The following PCDHGA9 variants were observed in gnomAD, a reference collection of about 807,000 sequenced individuals.
PCDHGA9 encodes protocadherin gamma-A9.
Under a neutral mutation model 62.5 loss-of-function variants are expected in PCDHGA9, and 37 were observed. The ratio of observed to expected loss-of-function variants is 0.59; its 90% confidence interval spans 0.46 to 0.78. The LOEUF (loss-of-function observed/expected upper bound fraction) is 0.78, where lower values mean the gene tolerates loss of function less well. Ranked by LOEUF, PCDHGA9 falls within the 30% of genes least tolerant of loss-of-function variation. The probability of loss-of-function intolerance (pLI) is 0.00; values close to 1 mark genes in which losing one functional copy is unlikely to be tolerated. For synonymous variants in PCDHGA9, 459 were observed against 484.6 expected (o/e 0.95, Z 0.69); for missense variants, 1,138 against 1,166.2 (o/e 0.98, Z 0.35).
In PCDHGA9 at chr5:141,510,932, CCT is replaced by C. The variant is rs753455267; in HGVS notation, c.2573-12_2573-11del. 6 of 1,613,998 alleles carry C rather than the reference CCT, an allele frequency of 3.7e-6. No homozygotes were observed. The highest frequency in any genetic ancestry group is 1.1e-5 in the South Asian group (1 of 91,082). ...CTAAGTTTAGCTCCCACCTGATCTTCCTCTGTCTCTGCAGAAGCTGCTGATGG... is the reference window on the plus strand; with the variant it reads ...CTAAGTTTAGCTCCCACCTGATCTTCCTGTCTCTGCAGAAGCTGCTGATGG... On this transcript the variant is annotated splice_polypyrimidine_tract_variant and intron_variant, in intron 3 of 3. Coordinates refer to ENST00000573521, the MANE Select transcript of PCDHGA9 (RefSeq NM_018921.3).
intron 1 of PCDHGA9, among the ~76,000 whole-genome samples, chr5:141,468,914 G>A (rs563780068): frequency 2.6e-5 from 4 of 151,700 alleles, no homozygotes; most frequent in Admixed American, 2.6e-4. Context: ...CAGACTAGAA[G>A]AGAATAGCAC....
At chr5:141,439,996 G>C (rs1156373511) in intron 1 of PCDHGA9, 1 of 153,262 alleles carries the variant, frequency 6.5e-6, no homozygotes, top group African/African-American at 2.4e-5. Flanking sequence ...GTTTGGTGGT[G>C]GGAAACCTTG....
intron 1 of PCDHGA9, chr5:141,414,399 GGTGATAC>G (rs1297009673): frequency 6.2e-7 from 1 of 1,613,846 alleles, no homozygotes; most frequent in South Asian, 1.1e-5. Flanking sequence ...ATTACAGATT[GGTGATAC>G]ACAGAGCCCT....
chr5:141,432,600 C>T lies in PCDHGA9; in HGVS notation c.2424+27224C>T, dbSNP rs901310090. The T allele has an allele frequency of 1.9e-6, 3 of 1,613,832 alleles. No individual in the cohort carries two copies. The East Asian group carries it at 6.7e-5, about 36-fold the overall frequency. ...TACCGTCTGCTCAAGGCCAGCGAGCCGGGACTCTTCTCGGTGGGTCTGCAC... is the reference window on the plus strand; with the variant it reads ...TACCGTCTGCTCAAGGCCAGCGAGCTGGGACTCTTCTCGGTGGGTCTGCAC... On this transcript the variant is annotated intron_variant, in intron 1 of 3. Transcript: ENST00000573521. The surrounding 1 kb of genome is among the most constrained non-coding windows in gnomAD (Gnocchi z 6.0).
At chr5:141,456,453 A>G (rs1395554812) in intron 1 of PCDHGA9, among the ~76,000 whole-genome samples, 1 of 152,190 alleles carries the variant, frequency 6.6e-6, no homozygotes, top group Non-Finnish European at 1.5e-5. Flanking sequence ...GAGTCCAAAT[A>G]TCAATACAAG....
chr5:141,431,256 C>T lies in PCDHGA9; in HGVS notation c.2424+25880C>T. The stretch of plus-strand genomic sequence containing the variant: ...TGGGATCCGGATATCGGGAAGAACT[C>T]TCTGCAGAGCTACGAGCTCAGCCCG... On this transcript the variant is annotated intron_variant, in intron 1 of 3. Transcript: ENST00000573521. This position sits in a 1 kb window ranked among gnomAD's most constrained non-coding sequence, Gnocchi z 4.8. The T allele has an allele frequency of 6.2e-7, 1 of 1,614,194 alleles. No homozygotes were observed. Among genetic ancestry groups the T allele is most frequent in the South Asian group, 1.1e-5 (1 of 91,088 alleles).
At chr5:141,414,310 G>A in intron 1 of PCDHGA9, 1 of 1,613,722 alleles carries the variant, frequency 6.2e-7, no homozygotes, top group South Asian at 1.1e-5. Context: ...GCATGATTTA[G>A]ACTCTGAGCA....
chr5:141,434,480 C>T (rs777049751), intron 1 of PCDHGA9, among the ~76,000 whole-genome samples: 6 of 152,194 alleles, frequency 3.9e-5, no homozygotes, highest in Non-Finnish European at 5.9e-5. Context: ...GGGCAAGGAA[C>T]ACCTGGCCCG....
intron 1 of PCDHGA9, among the ~76,000 whole-genome samples, chr5:141,458,596 G>A (rs907922436): frequency 1.8e-4 from 27 of 151,842 alleles, no homozygotes; most frequent in African/African-American, 5.8e-4. Flanking sequence ...TTGGAGACGA[G>A]TCTCACTCTG....
In PCDHGA9 at chr5:141,489,189, C is replaced by A; in HGVS notation, c.2425-5618C>A. 1 of 1,341,534 alleles carries A rather than the reference C, an allele frequency of 7.5e-7. No homozygotes were observed. The highest frequency in any genetic ancestry group is 1.0e-6 in the Non-Finnish European group (1 of 975,280). 83.1% of individuals were successfully genotyped at this position (1,341,534 alleles called of 1,614,324 possible). A position where few individuals can be genotyped will look rare whatever the true frequency, so the allele number is the denominator to read the frequency against. On this transcript the variant is annotated intron_variant, in intron 1 of 3. Transcript: ENST00000573521. This position sits in a 1 kb window ranked among gnomAD's most constrained non-coding sequence, Gnocchi z 4.5. ...TGCTGCATTCCAAGCCCTGGGTCTA[C>A]CTTGGAGACAGGACAGCACAGACTT...
rs776211508 is a variant in PCDHGA9, at chr5:141,491,001, C to T, written c.2425-3806C>T. On this transcript the variant is annotated intron_variant, in intron 1 of 3. Transcript: ENST00000573521. The surrounding 1 kb of genome is among the most constrained non-coding windows in gnomAD (Gnocchi z 6.9). The stretch of plus-strand genomic sequence containing the variant: ...TCCCTCGCTCTGCTCCTCCTGGCTC[C>T]TTGGTCACCAAGGTGACAGCCGTGG... The T allele has an allele frequency of 6.2e-7, 1 of 1,614,140 alleles. No individual in the cohort carries two copies. Among genetic ancestry groups the T allele is most frequent in the Non-Finnish European group, 8.5e-7 (1 of 1,180,044 alleles).
At chr5:141,421,483 A>C in intron 1 of PCDHGA9, 4 of 1,614,128 alleles carry the variant, frequency 2.5e-6, no homozygotes, top group Non-Finnish European at 3.4e-6. Context: ...CGGCAGCTTG[A>C]TCACGGCAGG....
intron 1 of PCDHGA9, among the ~76,000 whole-genome samples, chr5:141,458,248 G>A (rs173682): frequency 3.3e-5 from 5 of 152,112 alleles, no homozygotes; most frequent in African/African-American, 9.7e-5. Flanking sequence ...AAAATGATAC[G>A]GCTCTGATGA....
At chr5:141,460,411 T>TG (rs2098988114) in intron 1 of PCDHGA9, among the ~76,000 whole-genome samples, 1 of 152,212 alleles carries the variant, frequency 6.6e-6, no homozygotes, top group Non-Finnish European at 1.5e-5. Context: ...TTTGAGTTGA[T>TG]GTTTATGTAT....
chr5:141,436,080 T>C (rs755968267), intron 1 of PCDHGA9, among the ~76,000 whole-genome samples: 1 of 152,204 alleles, frequency 6.6e-6, no homozygotes, highest in Admixed American at 6.5e-5. Context: ...CAGTGTTCTA[T>C]AGGTAATATT....
Position 141,463,645 on chromosome 5 carries a change from G to T in PCDHGA9, c.2425-31162G>T, listed in dbSNP as rs372962993. ...TTGTATTTTGTTTAGTAGAGACGGG[G>T]TTTCACCGTGTTAGCCAGGATGGTC... On this transcript the variant is annotated intron_variant, in intron 1 of 3. Transcript: ENST00000573521. 7.9e-5 allele frequency among the ~76,000 whole-genome samples: 12 copies of T among 151,840 alleles called. No individual in the cohort carries two copies. In the East Asian group the frequency reaches 2.1e-3, roughly 27 times the overall value.
chr5:141,458,347 T>A (rs1351687231), intron 1 of PCDHGA9, among the ~76,000 whole-genome samples: 1 of 151,916 alleles, frequency 6.6e-6, no homozygotes, highest in Non-Finnish European at 1.5e-5. Flanking sequence ...AGTGGAGAGT[T>A]TAATAAGCAA....
chr5:141,436,063 A>G (rs1406994228), intron 1 of PCDHGA9, among the ~76,000 whole-genome samples: 1 of 152,230 alleles, frequency 6.6e-6, no homozygotes, highest in Non-Finnish European at 1.5e-5. Flanking sequence ...ATAGAATTTA[A>G]TAAGTACAGT....
Position 141,405,022 on chromosome 5 carries a change from C to T in PCDHGA9, c.2070C>T (p.Thr690=). ...CAGACCTGGAGGCCTCAGACCTTACCCTCTACCTCGTTGTGGCTGTGGCAG... is the reference window on the plus strand; with the variant it reads ...CAGACCTGGAGGCCTCAGACCTTACTCTCTACCTCGTTGTGGCTGTGGCAG... The part of the protein sequence containing the change: ...IPADLEASDL[T]LYLVVAVAVV... The change falls in exon 1 of 4, where the codon ACC becomes ACT. Residue 690 remains threonine, a synonymous_variant. Transcript: ENST00000573521. 3.7e-6 allele frequency: 6 copies of T among 1,613,976 alleles called. No homozygotes were observed. Among genetic ancestry groups the T allele is most frequent in the Non-Finnish European group, 5.1e-6 (6 of 1,179,868 alleles).
Sources: allele counts gnomAD v4.1 joint callset (sites outside exome capture counted in the v4.1 genomes callset), GRCh38; gene constraint gnomAD v4.1.1; non-coding constraint Gnocchi (gnomAD v3.1); transcripts MANE v1.5; gene names NCBI Gene and HGNC (gene_info 2026-07-23, HGNC 2026-07-21).